TMEM185A: variants seen among roughly 807,000 people sequenced by gnomAD.
TMEM185A encodes transmembrane protein 185A.
A neutral mutation model predicts 25.0 loss-of-function variants in TMEM185A; 9 were observed. That is an observed-to-expected ratio of 0.36 (90% CI 0.22 to 0.63). TMEM185A has a LOEUF of 0.63. Among genes scored for constraint, TMEM185A ranks in the 20% least tolerant of loss-of-function variants. The pLI is 0.68. For synonymous variants in TMEM185A, 45 were observed against 93.5 expected (o/e 0.48, Z 2.99); for missense variants, 103 against 237.4 (o/e 0.43, Z 3.72).
At chrX:149,629,850 A>C (rs1336415875) in intron 1 of TMEM185A, among the ~76,000 whole-genome samples, 1 of 112,044 alleles carries the variant, frequency 8.9e-6, no homozygotes, top group Non-Finnish European at 1.9e-5. Context: ...ATTCTCTGTC[A>C]CCTTGCAAAC....
chrX:149,623,347 T>A (rs2090148637), intron 1 of TMEM185A, among the ~76,000 whole-genome samples: 1 of 111,514 alleles, frequency 9.0e-6, no homozygotes, highest in Admixed American at 9.5e-5. Context: ...TAATAGGTAA[T>A]ATGGGGCCAC....
At chrX:149,629,165 T>C (rs2090178637) in intron 1 of TMEM185A, among the ~76,000 whole-genome samples, 1 of 111,564 alleles carries the variant, frequency 9.0e-6, no homozygotes, top group South Asian at 3.8e-4. Context: ...CCTTAGCAAG[T>C]GCCAAGTGAG....
intron 1 of TMEM185A, among the ~76,000 whole-genome samples, chrX:149,618,197 G>A (rs1557355234): frequency 8.9e-6 from 1 of 111,784 alleles, no homozygotes; most frequent in East Asian, 2.8e-4. Flanking sequence ...CTCCACTCGG[G>A]AAGATTAAGG....
rs1244848560 is a variant in TMEM185A, at chrX:149,597,772, CCT to C, written c.*237_*238del. On this transcript the variant is annotated 3_prime_UTR_variant, in exon 7 of 7. Coordinates refer to ENST00000600449, the MANE Select transcript of TMEM185A (RefSeq NM_032508.4). The stretch of plus-strand genomic sequence containing the variant: ...CTCCCAGACAGACGGTAATCCCACC[CCT>C]GTTCTCACACTCTTCCTGGCATCCG... 36 of 321,370 alleles carry C rather than the reference CCT, an allele frequency of 1.1e-4. No homozygotes were observed. Among genetic ancestry groups the C allele is most frequent in the African/African-American group, 3.6e-4 (8 of 22,223 alleles). 26.5% of individuals were successfully genotyped at this position (321,370 alleles called of 1,213,427 possible).
chrX:149,629,224 C>G (rs1306932224), intron 1 of TMEM185A, among the ~76,000 whole-genome samples: 16 of 111,538 alleles, frequency 1.4e-4, no homozygotes, highest in African/African-American at 4.9e-4. Flanking sequence ...GAGAGGGAAA[C>G]ATTCCTGGTA....
At chrX:149,601,667 C>T (rs1187446929) in intron 4 of TMEM185A, 4 of 93,231 alleles carry the variant, frequency 4.3e-5, no homozygotes, top group Non-Finnish European at 8.0e-5. Context: ...TCTGACTGTC[C>T]GCTGAGGGTG....
intron 3 of TMEM185A, among the ~76,000 whole-genome samples, chrX:149,605,429 C>T (rs1422945891): frequency 1.0e-5 from 1 of 96,912 alleles, no homozygotes; most frequent in East Asian, 3.7e-4. Flanking sequence ...CTATGGCCTC[C>T]CATGTCACTA....
chrX:149,621,315 AAAGAG>A (rs1423335920), intron 1 of TMEM185A, among the ~76,000 whole-genome samples: 1 of 111,903 alleles, frequency 8.9e-6, no homozygotes, highest in African/African-American at 3.2e-5. Context: ...GAACTAAAGA[AAAGAG>A]AAGTACCAAA....
At position 149,631,524 on chromosome X, in the gene TMEM185A, G is replaced by C. The variant is rs1557356643; in HGVS notation, c.38+19C>G. 1 of 1,159,589 alleles carries C rather than the reference G, an allele frequency of 8.6e-7. No homozygotes were observed. Among genetic ancestry groups the C allele is most frequent in the Non-Finnish European group, 1.2e-6 (1 of 869,132 alleles). Reference sequence around the variant, plus strand: ...GCCCGCAGCGCGGACTCCCGGGGGCGCCAACGACGCCGCCTCACCTCGGGT... The same window carrying C: ...GCCCGCAGCGCGGACTCCCGGGGGCCCCAACGACGCCGCCTCACCTCGGGT... On this transcript the variant is annotated intron_variant, in intron 1 of 6. Coordinates refer to ENST00000600449, the MANE Select transcript of TMEM185A (RefSeq NM_032508.4).
chrX:149,611,278 C>T lies in TMEM185A; in HGVS notation c.215+9G>A, dbSNP rs2124214683. On this transcript the variant is annotated intron_variant, in intron 2 of 6. Coordinates refer to ENST00000600449, the MANE Select transcript of TMEM185A (RefSeq NM_032508.4). ...CTAGAGACCAATGGGTTGTATAAAGCAGTATTACCGATATTGAGGATTTCG... is the reference window on the plus strand; with the variant it reads ...CTAGAGACCAATGGGTTGTATAAAGTAGTATTACCGATATTGAGGATTTCG... 2 of 1,199,815 alleles carry T rather than the reference C, an allele frequency of 1.7e-6. No homozygotes were observed. Among genetic ancestry groups the T allele is most frequent in the East Asian group, 3.0e-5 (1 of 33,660 alleles).
chrX:149,607,361 C>T (rs2054102286), intron 3 of TMEM185A, among the ~76,000 whole-genome samples: 1 of 112,183 alleles, frequency 8.9e-6, no homozygotes, highest in African/African-American at 3.2e-5. Flanking sequence ...GCTTTGGGCC[C>T]TCAGCTTCTA....
chrX:149,620,946 T>C (rs1280583492), intron 1 of TMEM185A, among the ~76,000 whole-genome samples: 1 of 111,782 alleles, frequency 8.9e-6, no homozygotes, highest in African/African-American at 3.3e-5. Context: ...AGTACACAAT[T>C]AGTAGAGGCA....
intron 1 of TMEM185A, among the ~76,000 whole-genome samples, chrX:149,624,143 A>G (rs2090152151): frequency 8.9e-6 from 1 of 112,748 alleles, no homozygotes; most frequent in African/African-American, 3.2e-5. Flanking sequence ...GTTTAACATT[A>G]ATCACTACTT....
intron 1 of TMEM185A, among the ~76,000 whole-genome samples, chrX:149,625,074 C>CA (rs2090157215): frequency 8.9e-6 from 1 of 112,451 alleles, no homozygotes; most frequent in Non-Finnish European, 1.9e-5. Flanking sequence ...TTGGAGCTGA[C>CA]AAAGTATGAG....
At chrX:149,614,841 G>T (rs184594761) in intron 1 of TMEM185A, among the ~76,000 whole-genome samples, 1 of 111,979 alleles carries the variant, frequency 8.9e-6, no homozygotes, top group Non-Finnish European at 1.9e-5. Context: ...CAAAGACATG[G>T]AAACTGCAAT....
Position 149,631,735 on chromosome X carries a change from TCGCCGCCGCCGCCGCCGCCGCCGCCGC to T in TMEM185A, c.-182_-156del. Reference sequence around the variant, plus strand: ...GTCCCCGCTGCCGTCGCCGTCGCCGTCGCCGCCGCCGCCGCCGCCGCCGCCGCCGCCGCCGCCGCCGCCGCCCGGAGA... The same window carrying T: ...GTCCCCGCTGCCGTCGCCGTCGCCGTCGCCGCCGCCGCCGCCGCCCGGAGA... On this transcript the variant is annotated 5_prime_UTR_variant, in exon 1 of 7. Coordinates refer to ENST00000600449, the MANE Select transcript of TMEM185A (RefSeq NM_032508.4). 64,288 of 334,901 alleles carry T rather than the reference TCGCCGCCGCCGCCGCCGCCGCCGCCGC, an allele frequency of 0.19. 6,083 individuals carry two copies. The highest frequency in any genetic ancestry group is 0.28 in the African/African-American group (9,815 of 34,992). The allele number at this position is 334,901 out of a possible 1,213,427, so 27.6% of individuals were successfully genotyped here.
At chrX:149,617,354 A>G (rs1421435009) in intron 1 of TMEM185A, among the ~76,000 whole-genome samples, 1 of 111,949 alleles carries the variant, frequency 8.9e-6, no homozygotes, top group Non-Finnish European at 1.9e-5. Flanking sequence ...TGACAAAGTA[A>G]CCTGTATCCA....
rs782705871 is a variant in TMEM185A at position 149,608,624 on chromosome X, C to T, written c.423+3G>A. 1.7e-6 allele frequency: 2 copies of T among 1,210,391 alleles called. No homozygotes were observed. Among genetic ancestry groups the T allele is most frequent in the Non-Finnish European group, 2.2e-6 (2 of 894,512 alleles). On this transcript the variant is annotated splice_donor_region_variant and intron_variant, in intron 3 of 6. Coordinates refer to ENST00000600449, the MANE Select transcript of TMEM185A (RefSeq NM_032508.4). Reference sequence around the variant, plus strand: ...AAACATTCTTAAATATATGAAATCTCACCTCTAGTGACCTGTCATGTCGAA... The same window carrying T: ...AAACATTCTTAAATATATGAAATCTTACCTCTAGTGACCTGTCATGTCGAA...
At chrX:149,613,766 C>T (rs782356680) in intron 1 of TMEM185A, among the ~76,000 whole-genome samples, 36 of 112,277 alleles carry the variant, frequency 3.2e-4, no homozygotes, top group African/African-American at 1.1e-3. Context: ...GGGCTTAGGG[C>T]CTGGGTATCT....
Sources: gnomAD v4.1 joint callset for allele counts (sites outside exome capture counted in the v4.1 genomes callset) on GRCh38, gnomAD v4.1.1 for gene constraint, MANE v1.5 for transcripts, NCBI Gene and HGNC (gene_info 2026-07-23, HGNC 2026-07-21) for gene names.